ARHGAP32: variants seen among roughly 807,000 people sequenced by gnomAD.
ARHGAP32 encodes the protein Rho GTPase activating protein 32, also known as rho GTPase-activating protein 32.
ARHGAP32 carries 51 observed loss-of-function variants against 186.5 expected under a neutral mutation model. That is an observed-to-expected ratio of 0.27 (90% CI 0.22 to 0.35). The LOEUF (loss-of-function observed/expected upper bound fraction) is 0.35. ARHGAP32 is among the 10% of genes least tolerant of loss of function. ARHGAP32 has a pLI of 1.00. For missense variants in ARHGAP32, 2,186 were observed against 2,623.5 expected, an observed-to-expected ratio of 0.83 and a Z score of 3.64; for synonymous variants, 950 against 964.3, an observed-to-expected ratio of 0.99 and a Z score of 0.27.
rs1940705308 is a variant in ARHGAP32, at chr11:129,066,731, C to A, written c.669G>T (p.Glu223Asp). The A allele has an allele frequency of 1.2e-6, 2 of 1,611,930 alleles. No individual in the cohort carries two copies. Among genetic ancestry groups the A allele is most frequent in the Non-Finnish European group, 1.7e-6 (2 of 1,178,662 alleles). Residue 223 changes from glutamate to aspartate, a missense_variant and splice_region_variant, in exon 7 of 23, where the codon GAG (glutamate) becomes GAT (aspartate). This residue lies in a region of ARHGAP32 where 308 missense variants were observed against 596.5 expected (regional missense o/e 0.52). Coordinates refer to ENST00000682385, the MANE Select transcript of ARHGAP32 (RefSeq NM_001378024.1). ...PRSDTLKDSP[E>D]SVTQMLMAYL... ...TGTACTAAATGTACTAAATGCTTACCTCTGGACTGTCCTTCAGGGTGTCAG... is the reference window on the plus strand; with the variant it reads ...TGTACTAAATGTACTAAATGCTTACATCTGGACTGTCCTTCAGGGTGTCAG...
chr11:129,074,840 A>C (rs947829524), intron 6 of ARHGAP32, among the ~76,000 whole-genome samples: 4 of 152,164 alleles, frequency 2.6e-5, no homozygotes, highest in African/African-American at 9.7e-5. Flanking sequence ...AGGAGACAAA[A>C]TGGAAACATA....
chr11:129,161,213 C>T (rs963127636), intron 2 of ARHGAP32, among the ~76,000 whole-genome samples: 1 of 151,834 alleles, frequency 6.6e-6, no homozygotes, highest in Non-Finnish European at 1.5e-5. Context: ...AGAAGAAAAC[C>T]TAGGCAATAC....
chr11:128,970,920 C>T lies in ARHGAP32; in HGVS notation c.4293G>A (p.Arg1431=). 1 of 1,614,086 alleles carries T rather than the reference C, an allele frequency of 6.2e-7. No individual in the cohort carries two copies. Among genetic ancestry groups the T allele is most frequent in the East Asian group, 2.2e-5 (1 of 44,876 alleles). Residue 1431 remains arginine, a synonymous_variant, in exon 23 of 23, where the codon AGG becomes AGA. Coordinates refer to ENST00000682385, the MANE Select transcript of ARHGAP32 (RefSeq NM_001378024.1). This position sits in a 1 kb window ranked among gnomAD's most constrained non-coding sequence, Gnocchi z 5.8. ...CGFPAPLPPT[R]MMESKMIAAI... Reference sequence around the variant, plus strand: ...CAGCAATCATCTTACTCTCCATCATCCTGGTGGGGGGCAGTGGTGCAGGAA... The same window carrying T: ...CAGCAATCATCTTACTCTCCATCATTCTGGTGGGGGGCAGTGGTGCAGGAA...
chr11:129,279,237 C>A, exon 1 of ARHGAP32: 1 of 8,934 alleles, frequency 1.1e-4, no homozygotes, highest in South Asian at 9.9e-4. Context: ...CCGACGCCCT[C>A]CGCCCGCCGC....
chr11:129,215,945 G>A (rs192556030), intron 1 of ARHGAP32, among the ~76,000 whole-genome samples: 18 of 152,252 alleles, frequency 1.2e-4, no homozygotes, highest in East Asian at 1.9e-4. Context: ...CTAAATGCTC[G>A]TTAGAGAGAG....
intron 1 of ARHGAP32, among the ~76,000 whole-genome samples, chr11:129,234,653 A>G (rs1017278969): frequency 6.6e-6 from 1 of 152,158 alleles, no homozygotes; most frequent in Non-Finnish European, 1.5e-5. Flanking sequence ...TCAAAAAGAA[A>G]ATCATTTACT....
intron 5 of ARHGAP32, among the ~76,000 whole-genome samples, chr11:129,098,581 A>G (rs1044547820): frequency 1.3e-5 from 2 of 151,830 alleles, no homozygotes; most frequent in African/African-American, 2.4e-5. Context: ...CACCATGCCC[A>G]GCTAATTTTT....
At chr11:129,183,484 T>C (rs1196364388) in intron 1 of ARHGAP32, among the ~76,000 whole-genome samples, 1 of 152,204 alleles carries the variant, frequency 6.6e-6, no homozygotes, top group Non-Finnish European at 1.5e-5. Flanking sequence ...TTTTATGTTC[T>C]TCAATGATGT....
chr11:129,065,348 G>C (rs142678852), intron 7 of ARHGAP32, among the ~76,000 whole-genome samples: 1 of 151,974 alleles, frequency 6.6e-6, no homozygotes, highest in Non-Finnish European at 1.5e-5. Flanking sequence ...ATGTTCATAC[G>C]TGATCCTATA....
At chr11:129,125,462 G>A (rs974731070) in intron 2 of ARHGAP32, among the ~76,000 whole-genome samples, 1 of 151,890 alleles carries the variant, frequency 6.6e-6, no homozygotes, top group Non-Finnish European at 1.5e-5. Flanking sequence ...CAAAATAAAA[G>A]TCAAGTCCAA....
chr11:129,206,017 A>G (rs1289518071), intron 1 of ARHGAP32, among the ~76,000 whole-genome samples: 2 of 151,996 alleles, frequency 1.3e-5, no homozygotes, highest in Non-Finnish European at 2.9e-5. Flanking sequence ...TCTACTCCCC[A>G]CCCCCATCTG....
At chr11:129,154,526 T>C (rs888847276) in intron 2 of ARHGAP32, among the ~76,000 whole-genome samples, 2 of 152,128 alleles carry the variant, frequency 1.3e-5, no homozygotes, top group Non-Finnish European at 2.9e-5. Flanking sequence ...GTGGTATATA[T>C]ACACTACAGA....
intron 1 of ARHGAP32, among the ~76,000 whole-genome samples, chr11:129,250,381 A>T (rs949548274): frequency 6.6e-6 from 1 of 152,234 alleles, no homozygotes; most frequent in Non-Finnish European, 1.5e-5. Flanking sequence ...CTGTGAAATG[A>T]TAACTCATTT....
chr11:129,270,781 AAAG>A (rs368149792), intron 1 of ARHGAP32, among the ~76,000 whole-genome samples: 183 of 151,946 alleles, frequency 1.2e-3, no homozygotes, highest in African/African-American at 4.3e-3. Context: ...ACAAAGAAGA[AAAG>A]AAGAGAGAGC....
At chr11:129,163,806 A>G (rs1943577674) in intron 2 of ARHGAP32, among the ~76,000 whole-genome samples, 1 of 152,190 alleles carries the variant, frequency 6.6e-6, no homozygotes, top group Admixed American at 6.6e-5. Context: ...CATAAAAAGC[A>G]AAAGTCTTCA....
intron 5 of ARHGAP32, among the ~76,000 whole-genome samples, chr11:129,121,077 ATG>A (rs1365130473): frequency 6.6e-6 from 1 of 152,232 alleles, no homozygotes; most frequent in African/African-American, 2.4e-5. Context: ...AAAAAGCAAG[ATG>A]TTTATAAAAT....
At chr11:129,084,096 C>A (rs538601384) in intron 6 of ARHGAP32, among the ~76,000 whole-genome samples, 87 of 151,944 alleles carry the variant, frequency 5.7e-4, no homozygotes, top group African/African-American at 2.0e-3. Flanking sequence ...GATACATCCA[C>A]CAAAACTCAC....
At chr11:128,982,835 G>A (rs1039073316) in intron 15 of ARHGAP32, among the ~76,000 whole-genome samples, 12 of 144,356 alleles carry the variant, frequency 8.3e-5, no homozygotes, top group Middle Eastern at 3.7e-3. Context: ...AGGCTGCAGT[G>A]AGCTGTGATC....
At chr11:129,216,446 C>T (rs1253421101) in intron 1 of ARHGAP32, among the ~76,000 whole-genome samples, 1 of 151,868 alleles carries the variant, frequency 6.6e-6, no homozygotes, top group East Asian at 1.9e-4. Context: ...CTTTGGGAGG[C>T]CCAGGCAGGT....
Sources: allele counts gnomAD v4.1 joint callset (sites outside exome capture counted in the v4.1 genomes callset), GRCh38; gene constraint gnomAD v4.1.1; regional missense constraint gnomAD v4.1.1; non-coding constraint Gnocchi (gnomAD v3.1); transcripts MANE v1.5; gene names NCBI Gene and HGNC (gene_info 2026-07-23, HGNC 2026-07-21).